The following LRRIQ3 variants were observed in gnomAD, a reference collection of about 807,000 sequenced individuals.
The protein encoded by LRRIQ3 is leucine rich repeats and IQ motif containing 3.
A neutral mutation model predicts 59.3 loss-of-function variants in LRRIQ3; 75 were observed. The observed-to-expected ratio is 1.26, with a 90% CI of 1.05 to 1.53. The LOEUF (loss-of-function observed/expected upper bound fraction) is 1.53, where lower values mean the gene tolerates loss of function less well. Among genes scored for constraint, LRRIQ3 ranks in the 40% most tolerant of loss-of-function variants. The probability of loss-of-function intolerance (pLI) is 0.00; values close to 1 mark genes in which losing one functional copy is unlikely to be tolerated. For missense variants in LRRIQ3, 831 were observed against 710.0 expected (o/e 1.17, Z -1.94); for synonymous variants, 250 against 231.3 (o/e 1.08, Z -0.73).
chr1:74,156,070 A>C (rs976756519), intron 3 of LRRIQ3, among the ~76,000 whole-genome samples: 6 of 152,126 alleles, frequency 3.9e-5, no homozygotes, highest in Admixed American at 3.3e-4. Flanking sequence ...TGTTAGAGAT[A>C]GGGGCTTGTG....
Position 74,054,739 on chromosome 1 carries a change from A to AATATATATATATAT in LRRIQ3, c.998-12820_998-12807dup, listed in dbSNP as rs143015235. Among the ~76,000 whole-genome samples, 179 of 141,746 alleles carry AATATATATATATAT rather than the reference A, an allele frequency of 1.3e-3. 1 individual carries two copies. Among genetic ancestry groups the AATATATATATATAT allele is most frequent in the South Asian group, 5.3e-3 (24 of 4,488 alleles). The allele number at this position is 141,746 out of a possible 152,430, so 93.0% of individuals were successfully genotyped here. A position where few individuals can be genotyped will look rare whatever the true frequency, so the allele number is the denominator to read the frequency against. ...TAATTACAAAAAGGAAGAAAACACA[A>AATATATATATATAT]ATATATATATATATATATCTATATA... On this transcript the variant is annotated intron_variant, in intron 6 of 7. Coordinates refer to ENST00000354431, the MANE Select transcript of LRRIQ3 (RefSeq NM_001105659.2).
At chr1:74,110,372 A>C (rs1646678427) in intron 4 of LRRIQ3, among the ~76,000 whole-genome samples, 1 of 152,020 alleles carries the variant, frequency 6.6e-6, no homozygotes, top group African/African-American at 2.4e-5. Flanking sequence ...TAAGCAAAGA[A>C]TAATAACACT....
intron 6 of LRRIQ3, among the ~76,000 whole-genome samples, chr1:74,042,471 G>A (rs1459040850): frequency 6.6e-6 from 1 of 152,052 alleles, no homozygotes; most frequent in Non-Finnish European, 1.5e-5. Flanking sequence ...GCCTGTGATT[G>A]GCTGAAGCTT....
chr1:74,164,263 T>C (rs954631406), intron 3 of LRRIQ3, among the ~76,000 whole-genome samples: 18 of 151,508 alleles, frequency 1.2e-4, no homozygotes, highest in African/African-American at 4.1e-4. Context: ...TAACTCAGAA[T>C]GTGACTGTAT....
intron 5 of LRRIQ3, among the ~76,000 whole-genome samples, chr1:74,105,350 C>T (rs1488034746): frequency 6.6e-6 from 1 of 151,300 alleles, no homozygotes; most frequent in Admixed American, 6.6e-5. Flanking sequence ...CTCTGGGATT[C>T]AAGTGATTCT....
At chr1:74,028,986 G>A (rs1317164998) in intron 7 of LRRIQ3, among the ~76,000 whole-genome samples, 1 of 151,920 alleles carries the variant, frequency 6.6e-6, no homozygotes, top group Non-Finnish European at 1.5e-5. Flanking sequence ...CCCTCTTACA[G>A]ATAAACATTA....
intron 3 of LRRIQ3, among the ~76,000 whole-genome samples, chr1:74,166,906 A>G (rs1454684930): frequency 6.6e-6 from 1 of 151,852 alleles, no homozygotes; most frequent in Non-Finnish European, 1.5e-5. Context: ...AGGTGATATC[A>G]CCTTACTCCT....
intron 7 of LRRIQ3, among the ~76,000 whole-genome samples, chr1:74,030,837 T>G (rs922629947): frequency 5.9e-5 from 9 of 152,040 alleles, no homozygotes; most frequent in African/African-American, 1.4e-4. Context: ...CTACAGAATG[T>G]GAGAAAACTT....
At chr1:74,135,091 G>A (rs749539822) in intron 4 of LRRIQ3, among the ~76,000 whole-genome samples, 21 of 151,984 alleles carry the variant, frequency 1.4e-4, no homozygotes, top group Non-Finnish European at 2.8e-4. Context: ...ACTATAAGAA[G>A]CTGGAGTGGG....
intron 5 of LRRIQ3, among the ~76,000 whole-genome samples, chr1:74,089,603 A>T (rs1480752070): frequency 1.3e-5 from 2 of 152,092 alleles, no homozygotes; most frequent in African/African-American, 4.8e-5. Context: ...AATAACATAT[A>T]TGCATGATTC....
rs752476802 is a variant in LRRIQ3 at position 74,182,653 on chromosome 1, G to T, written c.458C>A (p.Ala153Glu). 1 of 1,611,310 alleles carries T rather than the reference G, an allele frequency of 6.2e-7. No individual in the cohort carries two copies. Among genetic ancestry groups the T allele is most frequent in the South Asian group, 1.1e-5 (1 of 90,836 alleles). The change falls in exon 3 of 8, where the codon GCG (alanine) becomes GAG (glutamate). Residue 153 changes from alanine (A) to glutamate (E), a missense_variant. Transcript: ENST00000354431. Reference protein sequence around the residue: ...VLVNSIWPLKALDHHVISDEE... With the variant: ...VLVNSIWPLKELDHHVISDEE... ...ATCAGAAATCACATGATGATCCAGCGCTTTGAGAGGCCATATACTGTTAAC... is the reference window on the plus strand; with the variant it reads ...ATCAGAAATCACATGATGATCCAGCTCTTTGAGAGGCCATATACTGTTAAC...
chr1:74,192,064 T>C (rs967924885), intron 1 of LRRIQ3, among the ~76,000 whole-genome samples: 4 of 152,114 alleles, frequency 2.6e-5, no homozygotes, highest in Non-Finnish European at 4.4e-5. Context: ...ACTCAGATTA[T>C]ATGTAGGTTC....
chr1:74,057,551 G>T (rs967583400), intron 6 of LRRIQ3, among the ~76,000 whole-genome samples: 17 of 151,984 alleles, frequency 1.1e-4, no homozygotes, highest in Admixed American at 9.8e-4. Context: ...ACATGCAGAA[G>T]AATGAAACTA....
chr1:74,109,530 T>A lies in LRRIQ3; in HGVS notation c.731A>T (p.Lys244Ile). 6.4e-7 allele frequency: 1 copy of A among 1,562,144 alleles called. No individual in the cohort carries two copies. Among genetic ancestry groups the A allele is most frequent in the Non-Finnish European group, 8.6e-7 (1 of 1,161,272 alleles). Residue 244 changes from lysine to isoleucine, a missense_variant, in exon 5 of 8, where the codon AAA becomes ATA. Coordinates refer to ENST00000354431, the MANE Select transcript of LRRIQ3 (RefSeq NM_001105659.2). The part of the protein sequence containing the change: ...NLSPVFFHKK[K>I]QQEKIIRGYE... The stretch of plus-strand genomic sequence containing the variant: ...TCCTCTAATAATTTTTTCCTGCTGT[T>A]TTTTTTTGTGGAAAAACACAGGGCT...
Position 74,120,179 on chromosome 1 carries a change from G to A in LRRIQ3, c.708-10626C>T, listed in dbSNP as rs191222988. Among the ~76,000 whole-genome samples the A allele has an allele frequency of 3.0e-4, 46 of 151,324 alleles. No homozygotes were observed. The East Asian group carries it at 6.0e-3, about 20-fold the overall frequency. On this transcript the variant is annotated intron_variant, in intron 4 of 7. Transcript: ENST00000354431. ...TGTCGCCAAGCTGGAGTACAGTGGC[G>A]TGATCTCGGCTCACTGCAACCTCCG...
chr1:74,166,931 A>C (rs558981754), intron 3 of LRRIQ3, among the ~76,000 whole-genome samples: 2 of 151,994 alleles, frequency 1.3e-5, no homozygotes, highest in South Asian at 4.2e-4. Context: ...GAATGGCCAT[A>C]ATAAAAAAAT....
intron 4 of LRRIQ3, among the ~76,000 whole-genome samples, chr1:74,136,343 G>A (rs894184683): frequency 2.6e-5 from 4 of 151,944 alleles, no homozygotes; most frequent in African/African-American, 9.6e-5. Flanking sequence ...TACTCCTCCA[G>A]AAATAGAGAA....
intron 4 of LRRIQ3, among the ~76,000 whole-genome samples, chr1:74,135,621 A>G (rs183583573): frequency 1.3e-5 from 2 of 152,112 alleles, no homozygotes; most frequent in African/African-American, 4.8e-5. Flanking sequence ...ATATCTGGAA[A>G]TAAATTTATT....
At chr1:74,187,374 A>G (rs2100734980) in intron 1 of LRRIQ3, among the ~76,000 whole-genome samples, 1 of 152,130 alleles carries the variant, frequency 6.6e-6, no homozygotes, top group Admixed American at 6.6e-5. Context: ...ACACACACAC[A>G]CACACACACC....
Sources: allele counts gnomAD v4.1 joint callset (sites outside exome capture counted in the v4.1 genomes callset), GRCh38; gene constraint gnomAD v4.1.1; transcripts MANE v1.5; gene names NCBI Gene and HGNC (gene_info 2026-07-23, HGNC 2026-07-21).